The following SGCD variants were observed in gnomAD, a reference collection of about 807,000 sequenced individuals.
The protein encoded by SGCD is delta-sarcoglycan.
Under a neutral mutation model 36.6 loss-of-function variants are expected in SGCD, and 18 were observed. That is an observed-to-expected ratio of 0.49 (90% CI 0.34 to 0.73). The LOEUF (loss-of-function observed/expected upper bound fraction) is 0.73. SGCD is among the 30% of genes least tolerant of loss of function. SGCD has a pLI of 0.01. For synonymous variants in SGCD, 133 were observed against 130.6 expected (o/e 1.02, Z -0.12); for missense variants, 387 against 346.7 (o/e 1.12, Z -0.92).
At chr5:156,416,993 A>G (rs1178627144) in intron 3 of SGCD, among the ~76,000 whole-genome samples, 1 of 152,204 alleles carries the variant, frequency 6.6e-6, no homozygotes, top group Non-Finnish European at 1.5e-5. Context: ...TTTCAATTCC[A>G]TATCATATTC....
At position 156,759,297 on chromosome 5, in the gene SGCD, C is replaced by G. The variant is rs745905613; in HGVS notation, c.780C>G (p.Val260=). The G allele has an allele frequency of 1.2e-6, 2 of 1,613,572 alleles. No individual in the cohort carries two copies. The highest frequency in any genetic ancestry group is 1.7e-6 in the Non-Finnish European group (2 of 1,179,514). The change falls in exon 9 of 9, where the codon GTC becomes GTG. Residue 260 remains valine, a synonymous_variant. Coordinates refer to ENST00000337851, the MANE Select transcript of SGCD (RefSeq NM_000337.6). ...SYTPTGTRQK[V]FEICVCANGR... ...CGCCTACAGGAACGAGGCAGAAGGT[C>G]TTCGAGATCTGCGTCTGCGCCAATG...
chr5:155,841,421 T>A, the SGCD span, among the ~76,000 whole-genome samples: 1 of 152,226 alleles, frequency 6.6e-6, no homozygotes, highest in Non-Finnish European at 1.5e-5. Flanking sequence ...TTTTTCCCAA[T>A]TTGGTAGGTG....
chr5:156,060,847 G>A (rs959456970), intron 1 of SGCD, among the ~76,000 whole-genome samples: 4 of 145,826 alleles, frequency 2.7e-5, no homozygotes, highest in East Asian at 1.9e-4. Context: ...TTTAATTGAA[G>A]TGCTAGAAAA....
intron 3 of SGCD, among the ~76,000 whole-genome samples, chr5:156,174,692 A>G (rs1763424535): frequency 6.6e-6 from 1 of 152,104 alleles, no homozygotes; most frequent in African/African-American, 2.4e-5. Flanking sequence ...GGCAATGAGA[A>G]TGGGAGGAGC....
chr5:155,826,190 G>A, the SGCD span, among the ~76,000 whole-genome samples: 1 of 152,130 alleles, frequency 6.6e-6, no homozygotes, highest in East Asian at 1.9e-4. Context: ...CAAACTCAGG[G>A]CTGCTATCCT....
At chr5:156,584,873 T>C (rs571905174) in intron 4 of SGCD, among the ~76,000 whole-genome samples, 63 of 152,334 alleles carry the variant, frequency 4.1e-4, no homozygotes, top group African/African-American at 1.4e-3. Flanking sequence ...ATTTCTTTTG[T>C]TGACAACTCT....
At chr5:156,483,574 T>G (rs1430666345) in intron 3 of SGCD, among the ~76,000 whole-genome samples, 6 of 152,198 alleles carry the variant, frequency 3.9e-5, no homozygotes, top group African/African-American at 1.4e-4. Flanking sequence ...TTTGGCAACT[T>G]CATTTGTATG....
intron 7 of SGCD, among the ~76,000 whole-genome samples, chr5:156,736,614 T>C (rs931325953): frequency 9.2e-5 from 14 of 152,162 alleles, no homozygotes; most frequent in African/African-American, 3.1e-4. Flanking sequence ...TGAAGCCAGA[T>C]AGTCCTGGTT....
chr5:156,757,263 CAAAAAAAAAA>C (rs34767809), intron 7 of SGCD, among the ~76,000 whole-genome samples: 59 of 69,392 alleles, frequency 8.5e-4, no homozygotes, highest in African/African-American at 2.9e-3. Flanking sequence ...CTTACTTTTA[CAAAAAAAAAA>C]AAAAAAAAAA....
intron 1 of SGCD, among the ~76,000 whole-genome samples, chr5:156,114,876 CTT>C (rs142766353): frequency 0.026 from 3,927 of 152,166 alleles, 166 homozygotes; most frequent in African/African-American, 0.09. Context: ...ACACACTTAT[CTT>C]TTAGATGCTA....
At chr5:156,484,105 T>A (rs978126359) in intron 3 of SGCD, among the ~76,000 whole-genome samples, 1 of 152,214 alleles carries the variant, frequency 6.6e-6, no homozygotes, top group African/African-American at 2.4e-5. Flanking sequence ...GGGAAATTAC[T>A]CTGTGGGCTT....
chr5:156,591,723 T>C (rs1760728262), intron 5 of SGCD, among the ~76,000 whole-genome samples: 1 of 152,182 alleles, frequency 6.6e-6, no homozygotes, highest in African/African-American at 2.4e-5. Flanking sequence ...ACATTAGGAA[T>C]AGTGGTTTTT....
At chr5:156,383,948 G>A (rs892226340) in intron 3 of SGCD, among the ~76,000 whole-genome samples, 1 of 152,172 alleles carries the variant, frequency 6.6e-6, no homozygotes, top group Non-Finnish European at 1.5e-5. Flanking sequence ...AAGATATGGG[G>A]GACTGAGCTT....
intron 3 of SGCD, among the ~76,000 whole-genome samples, chr5:156,236,399 A>G (rs1765163409): frequency 1.3e-5 from 2 of 152,224 alleles, no homozygotes; most frequent in Non-Finnish European, 1.5e-5. Context: ...AATTTTACAC[A>G]TACAACTGAA....
rs568669209 is a variant in SGCD, at chr5:156,405,546, C to T, written c.192+60869C>T. Among the ~76,000 whole-genome samples, 4 of 152,208 alleles carry T rather than the reference C, an allele frequency of 2.6e-5. No individual in the cohort carries two copies. The South Asian group carries it at 8.3e-4, about 32-fold the overall frequency. The stretch of plus-strand genomic sequence containing the variant: ...GAATTTTAGTAAACAGTAAAATTGC[C>T]AAGTCTAGAAATCACAGATTGAAAA... On this transcript the variant is annotated intron_variant, in intron 3 of 8. Transcript: ENST00000337851.
chr5:156,145,987 G>A (rs1762701508), intron 3 of SGCD, among the ~76,000 whole-genome samples: 2 of 152,174 alleles, frequency 1.3e-5, no homozygotes, highest in African/African-American at 2.4e-5. Flanking sequence ...GCCAAGGTGG[G>A]CGGATCACGA....
chr5:156,612,978 G>A (rs6877118), intron 6 of SGCD, among the ~76,000 whole-genome samples: 8,705 of 152,190 alleles, frequency 0.057, 574 homozygotes, highest in East Asian at 0.22. Flanking sequence ...ACTACTGGGG[G>A]TATCCAGCTT....
At chr5:156,714,350 C>T (rs1474139962) in intron 7 of SGCD, among the ~76,000 whole-genome samples, 1 of 152,164 alleles carries the variant, frequency 6.6e-6, no homozygotes, top group Non-Finnish European at 1.5e-5. Flanking sequence ...CAACTATAGT[C>T]CTGAAGTGCT....
the SGCD span, among the ~76,000 whole-genome samples, chr5:155,736,797 C>T: frequency 5.7e-4 from 87 of 152,198 alleles, no homozygotes; most frequent in Non-Finnish European, 9.7e-4. Flanking sequence ...GTATTTTTCT[C>T]ATCTCATATT....
Sources: allele counts gnomAD v4.1 joint callset (sites outside exome capture counted in the v4.1 genomes callset), GRCh38; gene constraint gnomAD v4.1.1; transcripts MANE v1.5; gene names NCBI Gene and HGNC (gene_info 2026-07-23, HGNC 2026-07-21).